The following MAML3 variants were observed in gnomAD, a reference collection of about 807,000 sequenced individuals.
MAML3 encodes mastermind-like protein 3.
Under a neutral mutation model 101.9 loss-of-function variants are expected in MAML3, and 27 were observed. That is an observed-to-expected ratio of 0.27 (90% CI 0.20 to 0.37). The LOEUF is 0.37. MAML3 is among the 10% of genes least tolerant of loss of function. MAML3 has a pLI of 1.00. For missense variants in MAML3, 1,316 were observed against 1,444.9 expected, an observed-to-expected ratio of 0.91 and a Z score of 1.45; for synonymous variants, 501 against 555.9, an observed-to-expected ratio of 0.90 and a Z score of 1.39.
intron 1 of MAML3, among the ~76,000 whole-genome samples, chr4:139,915,646 G>A (rs1025782421): frequency 2.6e-5 from 4 of 152,182 alleles, no homozygotes; most frequent in Admixed American, 6.5e-5. Flanking sequence ...TCCAAGGTAC[G>A]AAAGCATCCA....
Position 139,720,285 on chromosome 4 carries a change from C to A in MAML3, c.2455G>T (p.Ala819Ser). 6.4e-7 allele frequency: 1 copy of A among 1,564,038 alleles called. No homozygotes were observed. The highest frequency in any genetic ancestry group is 8.7e-7 in the Non-Finnish European group (1 of 1,152,610). Residue 819 changes from alanine to serine, a missense_variant, in exon 5 of 5, where the codon GCC (alanine) becomes TCC (serine). By Grantham distance (99) the Ala-to-Ser change is moderately conservative. Coordinates refer to ENST00000509479, the MANE Select transcript of MAML3 (RefSeq NM_018717.5). Reference protein sequence around the residue: ...QDIAAVRSQAALQSMRTSRLM... With the variant: ...QDIAAVRSQASLQSMRTSRLM... The stretch of plus-strand genomic sequence containing the variant: ...CGTGACGTTCGCATGCTCTGGAGGG[C>A]TGCTTGGCTTCTTACGGCTGCTATA...
chr4:140,104,115 G>C (rs896140008), intron 1 of MAML3, among the ~76,000 whole-genome samples: 2 of 142,828 alleles, frequency 1.4e-5, no homozygotes, highest in Non-Finnish European at 3.2e-5. Context: ...AACAAATGTA[G>C]TGGCTCATGC....
chr4:139,921,749 G>C (rs542224979), intron 1 of MAML3, among the ~76,000 whole-genome samples: 4 of 152,172 alleles, frequency 2.6e-5, no homozygotes, highest in Non-Finnish European at 5.9e-5. Context: ...TGGGTTGCCC[G>C]CTCACCTTAA....
In MAML3 at chr4:139,890,598, C is replaced by T. The variant is rs761453869; in HGVS notation, c.838G>A (p.Asp280Asn). 6 of 1,613,834 alleles carry T rather than the reference C, an allele frequency of 3.7e-6. No homozygotes were observed. The highest frequency in any genetic ancestry group is 1.7e-5 in the Admixed American group (1 of 60,000). The change falls in exon 2 of 5, where the codon GAT becomes AAT. Residue 280 changes from aspartate to asparagine, a missense_variant. By Grantham distance (23) the Asp-to-Asn change is conservative. Coordinates refer to ENST00000509479, the MANE Select transcript of MAML3 (RefSeq NM_018717.5). This position sits in a 1 kb window ranked among gnomAD's most constrained non-coding sequence, Gnocchi z 4.1. ...QSKDLKQEPL[D>N]DPTCIDTSET... ...GATGTGTCTATGCAAGTAGGGTCATCGAGAGGTTCTTGTTTGAGGTCTTTG... is the reference window on the plus strand; with the variant it reads ...GATGTGTCTATGCAAGTAGGGTCATTGAGAGGTTCTTGTTTGAGGTCTTTG...
At chr4:140,019,716 A>G (rs946771835) in intron 1 of MAML3, among the ~76,000 whole-genome samples, 1 of 152,196 alleles carries the variant, frequency 6.6e-6, no homozygotes, top group African/African-American at 2.4e-5. Context: ...TCTTGGAAGC[A>G]CCGAAGTCCT....
chr4:139,946,754 C>A (rs1395059851), intron 1 of MAML3, among the ~76,000 whole-genome samples: 1 of 151,922 alleles, frequency 6.6e-6, no homozygotes. Context: ...AATAAAACAT[C>A]CTTCCTGGCC....
At chr4:139,772,181 A>G (rs1174193479) in intron 2 of MAML3, among the ~76,000 whole-genome samples, 12 of 122,340 alleles carry the variant, frequency 9.8e-5, no homozygotes, top group Non-Finnish European at 1.5e-4. Flanking sequence ...CGCAGTTTGC[A>G]GTGAGCCGAG....
chr4:140,066,865 C>T (rs986997612), intron 1 of MAML3, among the ~76,000 whole-genome samples: 6 of 152,210 alleles, frequency 3.9e-5, no homozygotes, highest in African/African-American at 1.4e-4. Context: ...AATATCTGCA[C>T]ATCTGTGTTG....
chr4:139,889,185 AGG>A, intron 2 of MAML3, 170 bp downstream of exon 2: 3 of 1,247,602 alleles, frequency 2.4e-6, no homozygotes, highest in Non-Finnish European at 3.5e-6. Context: ...TCCATTTCTT[AGG>A]AGAAATGGAA....
chr4:139,926,527 G>A (rs960179747), intron 1 of MAML3, among the ~76,000 whole-genome samples: 1 of 152,184 alleles, frequency 6.6e-6, no homozygotes, highest in Non-Finnish European at 1.5e-5. Flanking sequence ...TTCAACCTGG[G>A]AGGCGGAGCT....
chr4:140,153,088 G>T lies in MAML3; in HGVS notation c.240C>A (p.Arg80=), dbSNP rs770026943. 12 of 1,555,202 alleles carry T rather than the reference G, an allele frequency of 7.7e-6. No homozygotes were observed. In the Admixed American group the frequency reaches 9.7e-5, roughly 13 times the overall value. Residue 80 remains arginine, a synonymous_variant, in exon 1 of 5, where the codon CGC becomes CGA. Coordinates refer to ENST00000509479, the MANE Select transcript of MAML3 (RefSeq NM_018717.5). Reference sequence around the variant, plus strand: ...CGTGGTGCCGACGGCAGCCCTCGATGCGCTGGCGGAGCCGCTCCACCACGG... The same window carrying T: ...CGTGGTGCCGACGGCAGCCCTCGATTCGCTGGCGGAGCCGCTCCACCACGG... The part of the protein sequence containing the change: ...HSTVVERLRQ[R]IEGCRRHHVN...
chr4:139,808,047 A>G (rs975852304), intron 2 of MAML3, among the ~76,000 whole-genome samples: 1 of 152,140 alleles, frequency 6.6e-6, no homozygotes, highest in Non-Finnish European at 1.5e-5. Flanking sequence ...CCTTCCCTTC[A>G]CTTTCTCTTC....
At chr4:139,740,981 C>T (rs1226233152) in intron 2 of MAML3, among the ~76,000 whole-genome samples, 1 of 152,212 alleles carries the variant, frequency 6.6e-6, no homozygotes, top group East Asian at 1.9e-4. Flanking sequence ...TGTCAGCCTG[C>T]TCTGCCGGTT....
At chr4:139,866,223 G>A (rs997020679) in intron 2 of MAML3, among the ~76,000 whole-genome samples, 5 of 152,220 alleles carry the variant, frequency 3.3e-5, no homozygotes, top group Admixed American at 2.6e-4. Context: ...TTGTTAGCTT[G>A]AAGTATAACA....
chr4:139,953,495 A>T (rs765027122), intron 1 of MAML3, among the ~76,000 whole-genome samples: 1 of 152,134 alleles, frequency 6.6e-6, no homozygotes, highest in Non-Finnish European at 1.5e-5. Context: ...GCATGGTGGC[A>T]GGTGCCTGTA....
At chr4:139,771,418 TGAA>T (rs1379316430) in intron 2 of MAML3, among the ~76,000 whole-genome samples, 2 of 152,226 alleles carry the variant, frequency 1.3e-5, no homozygotes, top group African/African-American at 4.8e-5. Flanking sequence ...CATCAGGTAG[TGAA>T]GAAGTTCTTT....
intron 2 of MAML3, among the ~76,000 whole-genome samples, chr4:139,797,044 C>T (rs980231641): frequency 6.6e-5 from 10 of 152,150 alleles, no homozygotes; most frequent in Non-Finnish European, 1.5e-4. Flanking sequence ...GTGATGATGT[C>T]AACATGCCTG....
intron 2 of MAML3, among the ~76,000 whole-genome samples, chr4:139,847,445 G>T (rs188998537): frequency 1.3e-5 from 2 of 152,322 alleles, no homozygotes; most frequent in East Asian, 3.9e-4. Flanking sequence ...ACCTGATACT[G>T]TGTCTCTCCC....
chr4:139,962,755 G>A (rs1279528910), intron 1 of MAML3, among the ~76,000 whole-genome samples: 2 of 152,216 alleles, frequency 1.3e-5, no homozygotes, highest in Admixed American at 6.5e-5. Context: ...GAGAGAGGCT[G>A]TTGAAAGTGA....
Sources: gnomAD v4.1 joint callset for allele counts (sites outside exome capture counted in the v4.1 genomes callset) on GRCh38, gnomAD v4.1.1 for gene constraint, Gnocchi (gnomAD v3.1) non-coding constraint, MANE v1.5 for transcripts, NCBI Gene and HGNC (gene_info 2026-07-23, HGNC 2026-07-21) for gene names.